Variants in SRGAP2C observed in about 807,000 individuals in gnomAD.
SRGAP2C encodes the protein SLIT-ROBO Rho GTPase activating protein 2C, also known as SLIT-ROBO Rho GTPase-activating protein 2C.
SRGAP2C carries 15 observed loss-of-function variants against 25.1 expected under a neutral mutation model. The ratio of observed to expected loss-of-function variants is 0.60; its 90% CI spans 0.40 to 0.92. The LOEUF (loss-of-function observed/expected upper bound fraction) is 0.92, where lower values mean the gene tolerates loss of function less well. Ranked by LOEUF, SRGAP2C falls within the 40% of genes least tolerant of loss-of-function variation. The pLI is 0.00. For synonymous variants in SRGAP2C, 44 were observed against 96.6 expected, an observed-to-expected ratio of 0.46 and a Z score of 3.19; for missense variants, 144 against 264.4, an observed-to-expected ratio of 0.54 and a Z score of 3.16.
chr1:121,239,713 C>A (rs1553329541), intron 2 of SRGAP2C, among the ~76,000 whole-genome samples: 1 of 151,478 alleles, frequency 6.6e-6, no homozygotes, highest in Non-Finnish European at 1.5e-5. Context: ...CAAACTACAG[C>A]CCATGGGTCA....
rs868922103 is a variant in SRGAP2C at position 121,225,849 on chromosome 1, C to T, written c.67+38336C>T. 5.3e-3 allele frequency among the ~76,000 whole-genome samples: 735 copies of T among 138,694 alleles called. 6 individuals carry two copies. The highest frequency in any genetic ancestry group is 8.1e-3 in the Non-Finnish European group (518 of 64,264). 91.0% of individuals were successfully genotyped at this position (138,694 alleles called of 152,430 possible). A position where few individuals can be genotyped will look rare whatever the true frequency, so the allele number is the denominator to read the frequency against. The stretch of plus-strand genomic sequence containing the variant: ...CCTCCCGAGTAGCTGGGATTACAGG[C>T]GCCCGCCACCACGCCCAGCTAATTT... On this transcript the variant is annotated intron_variant, in intron 2 of 9. Transcript: ENST00000367123.
intron 2 of SRGAP2C, among the ~76,000 whole-genome samples, chr1:121,236,921 GT>G (rs1655973933): frequency 1.2e-5 from 1 of 81,006 alleles, no homozygotes; most frequent in African/African-American, 5.0e-5. Context: ...GGGATTTAAG[GT>G]TAGATGATAG....
At chr1:121,278,188 C>T (rs1223471416) in intron 2 of SRGAP2C, among the ~76,000 whole-genome samples, 1,771 of 152,032 alleles carry the variant, frequency 0.012, 34 homozygotes, top group South Asian at 0.042. Context: ...CTCTAGTAAT[C>T]GGCCCACCTC....
intron 4 of SRGAP2C, among the ~76,000 whole-genome samples, chr1:121,351,706 A>T (rs1658912795): frequency 6.7e-6 from 1 of 149,776 alleles, no homozygotes; most frequent in Admixed American, 6.7e-5. Context: ...GAACAAACTT[A>T]AACAAAGTAT....
intron 2 of SRGAP2C, among the ~76,000 whole-genome samples, chr1:121,221,916 A>G (rs587773984): frequency 6.6e-6 from 1 of 152,134 alleles, no homozygotes; most frequent in South Asian, 2.1e-4. Flanking sequence ...TGGCTCCTTG[A>G]AATGCTAGCG....
intron 2 of SRGAP2C, among the ~76,000 whole-genome samples, chr1:121,270,893 C>T (rs28432319): frequency 0.51 from 76,004 of 149,198 alleles, 21,427 homozygotes; most frequent in Non-Finnish European, 0.63. Context: ...CCCGGGTTCA[C>T]GCCATTCTCC....
At chr1:121,237,529 C>T (rs2101483263) in intron 2 of SRGAP2C, among the ~76,000 whole-genome samples, 1 of 151,618 alleles carries the variant, frequency 6.6e-6, no homozygotes, top group African/African-American at 2.4e-5. Context: ...TCTGTATAAG[C>T]TTTGCTGAAG....
chr1:121,261,006 G>T (rs1656618966), intron 2 of SRGAP2C, among the ~76,000 whole-genome samples: 1 of 99,958 alleles, frequency 1.0e-5, no homozygotes, highest in African/African-American at 3.6e-5. Context: ...ATGGCTTACT[G>T]CAGCCTTGAC....
chr1:121,213,103 T>A (rs1553324137), intron 2 of SRGAP2C, among the ~76,000 whole-genome samples: 1 of 151,298 alleles, frequency 6.6e-6, no homozygotes, highest in African/African-American at 2.4e-5. Flanking sequence ...TGGAGTGCAA[T>A]GGCATGATCT....
chr1:121,221,974 G>A (rs1185692826), intron 2 of SRGAP2C, among the ~76,000 whole-genome samples: 1 of 152,076 alleles, frequency 6.6e-6, no homozygotes, highest in Non-Finnish European at 1.5e-5. Flanking sequence ...TCACACCTAG[G>A]CCATATGTGG....
chr1:121,218,940 A>G (rs1307897389), intron 2 of SRGAP2C, among the ~76,000 whole-genome samples: 1 of 152,054 alleles, frequency 6.6e-6, no homozygotes, highest in Non-Finnish European at 1.5e-5. Context: ...AATGAAGGGC[A>G]GAATTCTTCC....
rs1399768818 is a variant in SRGAP2C at position 121,365,569 on chromosome 1, C to T, written c.486+214C>T. On this transcript the variant is annotated intron_variant, in intron 5 of 9. Transcript: ENST00000367123. ...ACTTCCTCAAAATAAGTTTTCTCCT[C>T]AGCTATGCAAGCTCACCCTGGCTTT... Among the ~76,000 whole-genome samples the T allele has an allele frequency of 2.2e-5, 2 of 90,286 alleles. 1 individual carries two copies. Among genetic ancestry groups the T allele is most frequent in the African/African-American group, 8.3e-5 (2 of 24,118 alleles). 59.2% of individuals were successfully genotyped at this position (90,286 alleles called of 152,430 possible).
chr1:121,349,509 GC>G lies in SRGAP2C; in HGVS notation c.424-15783del, dbSNP rs1480875552. 1.0e-4 allele frequency among the ~76,000 whole-genome samples: 12 copies of G among 117,230 alleles called. No individual in the cohort carries two copies. In the South Asian group the frequency reaches 4.3e-3, roughly 42 times the overall value. 76.9% of individuals were successfully genotyped at this position (117,230 alleles called of 152,430 possible). On this transcript the variant is annotated intron_variant, in intron 4 of 9. Coordinates refer to ENST00000367123, the MANE Select transcript of SRGAP2C (RefSeq NM_001329984.2). ...CAGACCCCAGATGGCCCCATATAGAGCTTTTATACGTGCCAATTTTTAGAAT... is the reference window on the plus strand; with the variant it reads ...CAGACCCCAGATGGCCCCATATAGAGTTTTATACGTGCCAATTTTTAGAAT...
chr1:121,332,650 G>A (rs1341548819), intron 4 of SRGAP2C, among the ~76,000 whole-genome samples: 3 of 143,672 alleles, frequency 2.1e-5, no homozygotes, highest in African/African-American at 7.7e-5. Flanking sequence ...AAATGAATCT[G>A]GTAGTTAAAA....
chr1:121,202,306 T>C (rs147385584), intron 2 of SRGAP2C, among the ~76,000 whole-genome samples: 1 of 152,048 alleles, frequency 6.6e-6, no homozygotes, highest in East Asian at 1.9e-4. Flanking sequence ...GCTACTGGAG[T>C]CTTCTTCTTT....
chr1:121,266,472 A>C (rs1368679279), intron 2 of SRGAP2C, among the ~76,000 whole-genome samples: 3 of 151,884 alleles, frequency 2.0e-5, no homozygotes, highest in Non-Finnish European at 4.4e-5. Context: ...GATATATCTG[A>C]GGCTCTAAAC....
chr1:121,355,419 G>A (rs1288768467), intron 4 of SRGAP2C, among the ~76,000 whole-genome samples: 2 of 68,718 alleles, frequency 2.9e-5, no homozygotes, highest in African/African-American at 5.9e-5. Flanking sequence ...CCGGGTTCAC[G>A]CCATTCTCCT....
intron 8 of SRGAP2C, among the ~76,000 whole-genome samples, chr1:121,384,558 T>C (rs1659913358): frequency 2.1e-5 from 2 of 97,370 alleles, no homozygotes; most frequent in South Asian, 7.9e-4. Context: ...CTGGTCAAAC[T>C]TGCCTTCCAA....
intron 3 of SRGAP2C, among the ~76,000 whole-genome samples, chr1:121,309,083 ATTC>A (rs1657916689): frequency 1.5e-5 from 2 of 130,290 alleles, no homozygotes; most frequent in African/African-American, 5.8e-5. Context: ...GTGGGTATGA[ATTC>A]ATTGTGTGGG....
Sources: allele counts gnomAD v4.1 joint callset (sites outside exome capture counted in the v4.1 genomes callset), GRCh38; gene constraint gnomAD v4.1.1; transcripts MANE v1.5; gene names NCBI Gene and HGNC (gene_info 2026-07-23, HGNC 2026-07-21).